The following FBXL13 variants were observed in gnomAD, a reference collection of about 807,000 sequenced individuals.
FBXL13 encodes the protein F-box and leucine-rich repeat protein 13.
A neutral mutation model predicts 83.6 loss-of-function variants in FBXL13; 67 were observed. That is an observed-to-expected ratio of 0.80 (90% CI 0.66 to 0.98). The LOEUF is 0.98. FBXL13 is among the 50% of genes least tolerant of loss of function. The pLI, the probability that FBXL13 is intolerant of heterozygous loss-of-function variation, is 0.00. For synonymous variants in FBXL13, 272 were observed against 299.5 expected (o/e 0.91, Z 0.95); for missense variants, 822 against 866.5 (o/e 0.95, Z 0.64).
At chr7:103,042,747 T>G (rs571736500) in intron 2 of FBXL13, among the ~76,000 whole-genome samples, 70 of 152,310 alleles carry the variant, frequency 4.6e-4, no homozygotes, top group African/African-American at 1.5e-3. Context: ...TAAATTGTGC[T>G]GAAAAAACTG....
At chr7:102,833,668 G>A (rs1801147987) in intron 17 of FBXL13, among the ~76,000 whole-genome samples, 1 of 150,948 alleles carries the variant, frequency 6.6e-6, no homozygotes, top group South Asian at 2.1e-4. Context: ...CTGACCTCAA[G>A]TGATCCACCC....
chr7:102,969,871 A>G (rs537004034), intron 6 of FBXL13, among the ~76,000 whole-genome samples: 2 of 151,572 alleles, frequency 1.3e-5, no homozygotes, highest in East Asian at 1.9e-4. Flanking sequence ...AAAAGAAAAG[A>G]AAAGGAAAGA....
At chr7:103,066,880 C>A (rs1333809652) in intron 1 of FBXL13, among the ~76,000 whole-genome samples, 1 of 151,456 alleles carries the variant, frequency 6.6e-6, no homozygotes, top group Non-Finnish European at 1.5e-5. Context: ...CAACCTTCGC[C>A]TCCTGGGTTC....
chr7:102,983,169 T>C (rs1828467971), intron 6 of FBXL13, among the ~76,000 whole-genome samples: 1 of 152,068 alleles, frequency 6.6e-6, no homozygotes, highest in Non-Finnish European at 1.5e-5. Context: ...ATCAATATTG[T>C]CTTGCTTGGC....
At chr7:103,030,498 G>T (rs1220716417) in intron 2 of FBXL13, among the ~76,000 whole-genome samples, 1 of 152,180 alleles carries the variant, frequency 6.6e-6, no homozygotes, top group African/African-American at 2.4e-5. Context: ...AGAAGGGGAT[G>T]AGGTGGCAAA....
chr7:102,937,565 G>A (rs1038703815), intron 8 of FBXL13, among the ~76,000 whole-genome samples: 1 of 150,912 alleles, frequency 6.6e-6, no homozygotes, highest in Non-Finnish European at 1.5e-5. Flanking sequence ...AGTACAAATG[G>A]CTTTCACTGT....
chr7:102,902,485 G>T (rs1813090500), intron 11 of FBXL13, among the ~76,000 whole-genome samples: 1 of 152,100 alleles, frequency 6.6e-6, no homozygotes, highest in Admixed American at 6.5e-5. Context: ...TACTTGTGGG[G>T]TATTGCTCAA....
intron 14 of FBXL13, among the ~76,000 whole-genome samples, chr7:102,878,955 A>T (rs1483272836): frequency 6.6e-6 from 1 of 152,208 alleles, no homozygotes; most frequent in Non-Finnish European, 1.5e-5. Context: ...CTGGAAGAAG[A>T]CCTTGACCTC....
Position 103,055,642 on chromosome 7 carries a change from A to G in FBXL13, c.-1+2T>C. 8.2e-7 allele frequency: 1 copy of G among 1,221,052 alleles called. No homozygotes were observed. The highest frequency in any genetic ancestry group is 1.1e-6 in the Non-Finnish European group (1 of 939,764). The allele number at this position is 1,221,052 out of a possible 1,614,324, so 75.6% of individuals were successfully genotyped here. On this transcript the variant is annotated splice_donor_variant, in intron 2 of 19. Transcript: ENST00000313221. LOFTEE classifies it low-confidence loss of function (5UTR_SPLICE). ...CCTATCAAAAATCAAAACAATACTTACCAAAGAAGATTCTGAAGACCACTT... is the reference window on the plus strand; with the variant it reads ...CCTATCAAAAATCAAAACAATACTTGCCAAAGAAGATTCTGAAGACCACTT...
intron 6 of FBXL13, among the ~76,000 whole-genome samples, chr7:102,985,790 T>C (rs1475356548): frequency 6.6e-6 from 1 of 152,216 alleles, no homozygotes; most frequent in Non-Finnish European, 1.5e-5. Flanking sequence ...CATTATCATG[T>C]AATGGGGGAA....
chr7:102,852,064 T>A (rs888515540), intron 17 of FBXL13, among the ~76,000 whole-genome samples: 6 of 152,146 alleles, frequency 3.9e-5, no homozygotes, highest in Non-Finnish European at 5.9e-5. Context: ...AACATTTCTA[T>A]CCACAGAATA....
At chr7:102,972,651 T>C (rs963301742) in intron 6 of FBXL13, among the ~76,000 whole-genome samples, 1 of 151,980 alleles carries the variant, frequency 6.6e-6, no homozygotes, top group African/African-American at 2.4e-5. Context: ...TTGAAATTAC[T>C]TTAAACGTTT....
chr7:103,017,123 G>A (rs1203782665), intron 6 of FBXL13, among the ~76,000 whole-genome samples: 7 of 152,126 alleles, frequency 4.6e-5, no homozygotes, highest in African/African-American at 9.7e-5. Context: ...CCTCTGAGAC[G>A]AAGCTTCCAG....
At chr7:102,817,909 G>A (rs1272323189) in intron 19 of FBXL13, among the ~76,000 whole-genome samples, 2 of 152,200 alleles carry the variant, frequency 1.3e-5, no homozygotes, top group Non-Finnish European at 2.9e-5. Context: ...TTATCCTGGT[G>A]AGAGGTTTCT....
chr7:102,822,394 G>T, intron 18 of FBXL13, 191 bp from the exon 20 acceptor site: 1 of 691,436 alleles, frequency 1.4e-6, no homozygotes, highest in Non-Finnish European at 2.6e-6. Flanking sequence ...TGCAATTGGT[G>T]TCTTGGGAAG....
intron 8 of FBXL13, among the ~76,000 whole-genome samples, chr7:102,960,323 G>T (rs963079025): frequency 2.0e-5 from 3 of 152,078 alleles, no homozygotes; most frequent in Non-Finnish European, 2.9e-5. Context: ...AACAGGAGCT[G>T]AAATTGTGGC....
In FBXL13 at chr7:102,899,077, G is replaced by A. The variant is rs576224785; in HGVS notation, c.1008+14009C>T. ...ATTACAGACTTGCGCCGCCATACTT[G>A]GCTAACTGTTGAATTTTAGTAGAGA... On this transcript the variant is annotated intron_variant, in intron 11 of 19. Coordinates refer to ENST00000313221, the Ensembl canonical transcript of FBXL13. 1.1e-4 allele frequency among the ~76,000 whole-genome samples: 16 copies of A among 152,126 alleles called. No individual in the cohort carries two copies. The South Asian group carries it at 3.3e-3, about 32-fold the overall frequency.
intron 14 of FBXL13, 149 bp downstream of exon 15, chr7:102,883,156 T>C (rs1241050707): frequency 1.5e-6 from 1 of 657,254 alleles, no homozygotes; most frequent in African/African-American, 1.9e-5. Context: ...CTCTTTCTTA[T>C]AACTACAGAA....
At chr7:103,028,822 G>T in intron 3 of FBXL13, 74 bp from the exon 5 acceptor site, 1 of 1,256,914 alleles carries the variant, frequency 8.0e-7, no homozygotes, top group Non-Finnish European at 1.0e-6. Context: ...AAATTAAGGA[G>T]AACAAAGAAT....
Sources: allele counts gnomAD v4.1 joint callset (sites outside exome capture counted in the v4.1 genomes callset), GRCh38; gene constraint gnomAD v4.1.1; transcripts MANE v1.5; gene names NCBI Gene and HGNC (gene_info 2026-07-23, HGNC 2026-07-21).